Variants in WDR7 observed in about 807,000 individuals in gnomAD.
WDR7 encodes WD repeat-containing protein 7.
In WDR7, 46 loss-of-function variants were observed where a neutral mutation model predicts 169.4. The observed-to-expected ratio is 0.27, with a 90% CI of 0.21 to 0.35. The LOEUF (loss-of-function observed/expected upper bound fraction) is 0.35, where lower values mean the gene tolerates loss of function less well. Among genes scored for constraint, WDR7 ranks in the 10% least tolerant of loss-of-function variants. WDR7 has a pLI of 1.00. For synonymous variants in WDR7, 612 were observed against 666.8 expected, an observed-to-expected ratio of 0.92 and a Z score of 1.27; for missense variants, 1,534 against 1,859.3, an observed-to-expected ratio of 0.83 and a Z score of 3.22.
At chr18:56,806,500 A>T (rs1318420100) in intron 19 of WDR7, among the ~76,000 whole-genome samples, 1 of 152,116 alleles carries the variant, frequency 6.6e-6, no homozygotes, top group Non-Finnish European at 1.5e-5. Flanking sequence ...AGAGGTAAGG[A>T]TGGGGAGGGT....
At chr18:56,787,964 T>C (rs1338003681) in intron 19 of WDR7, among the ~76,000 whole-genome samples, 2 of 152,214 alleles carry the variant, frequency 1.3e-5, no homozygotes, top group African/African-American at 4.8e-5. Flanking sequence ...AAACATGGTA[T>C]GAGTCTTTCC....
chr18:56,731,415 G>A lies in WDR7; in HGVS notation c.1807G>A (p.Ala603Thr). ...ALDRCVMGIT[A>T]VEILNACDEA... ...GGATCGTTGTGTGATGGGGATAACA[G>A]CAGTTGAGATTCTAAACGCTTGTGA... The change falls in exon 14 of 28, where the codon GCA (alanine) becomes ACA (threonine). Residue 603 changes from alanine to threonine, a missense_variant. Coordinates refer to ENST00000254442, the MANE Select transcript of WDR7 (RefSeq NM_015285.3). The A allele has an allele frequency of 6.2e-7, 1 of 1,614,140 alleles. No homozygotes were observed.
At chr18:56,805,084 G>C (rs2044748363) in intron 19 of WDR7, among the ~76,000 whole-genome samples, 1 of 152,076 alleles carries the variant, frequency 6.6e-6, no homozygotes, top group South Asian at 2.1e-4. Flanking sequence ...CACATTAATC[G>C]TCTCTGGAAA....
intron 14 of WDR7, among the ~76,000 whole-genome samples, chr18:56,748,751 T>C (rs1425396721): frequency 1.3e-5 from 2 of 152,104 alleles, no homozygotes; most frequent in Admixed American, 1.3e-4. Context: ...ATAAAATATT[T>C]AAGATGAATA....
intron 20 of WDR7, chr18:56,872,729 G>T (rs749314544): frequency 1.3e-5 from 2 of 152,164 alleles, no homozygotes; most frequent in Admixed American, 1.3e-4. Context: ...CTGTGATAGG[G>T]TGATCAACCG....
intron 21 of WDR7, among the ~76,000 whole-genome samples, chr18:56,905,891 T>C (rs1341123747): frequency 6.6e-6 from 1 of 152,200 alleles, no homozygotes; most frequent in Non-Finnish European, 1.5e-5. Context: ...CATTTTTGAA[T>C]GATGCTAGGG....
intron 14 of WDR7, 147 bp downstream of exon 14, chr18:56,731,744 G>C (rs1345956607): frequency 6.9e-6 from 5 of 719,946 alleles, no homozygotes; most frequent in Non-Finnish European, 8.6e-6. Flanking sequence ...TATCCAACAT[G>C]GTTTGAGTTT....
chr18:56,962,675 C>T, intron 26 of WDR7, 146 bp downstream of exon 26: 1 of 728,470 alleles, frequency 1.4e-6, no homozygotes, highest in South Asian at 1.8e-5. Context: ...GAAGGACGCA[C>T]AGAATATAGA....
chr18:56,783,597 G>C (rs755565625), intron 19 of WDR7, among the ~76,000 whole-genome samples: 1 of 152,134 alleles, frequency 6.6e-6, no homozygotes, highest in Non-Finnish European at 1.5e-5. Flanking sequence ...AAATGGACTC[G>C]TGTGAAGTAG....
At chr18:56,998,025 G>T (rs2047923047) in intron 26 of WDR7, among the ~76,000 whole-genome samples, 1 of 152,140 alleles carries the variant, frequency 6.6e-6, no homozygotes, top group Admixed American at 6.6e-5. Flanking sequence ...TTCTTATCAT[G>T]TATGGCTTTC....
At chr18:57,019,628 T>A (rs1301736888) in intron 26 of WDR7, among the ~76,000 whole-genome samples, 2 of 152,132 alleles carry the variant, frequency 1.3e-5, no homozygotes, top group Non-Finnish European at 2.9e-5. Context: ...TGTGCTTGTG[T>A]CCCTACCCCT....
chr18:56,958,839 A>G (rs959074861), intron 25 of WDR7, among the ~76,000 whole-genome samples: 2 of 152,166 alleles, frequency 1.3e-5, no homozygotes, highest in African/African-American at 4.8e-5. Context: ...CATGTTTAGC[A>G]TAGATCATAC....
At chr18:56,979,162 G>A (rs2145825021) in intron 26 of WDR7, among the ~76,000 whole-genome samples, 1 of 152,218 alleles carries the variant, frequency 6.6e-6, no homozygotes, top group Non-Finnish European at 1.5e-5. Flanking sequence ...TTATTAATAT[G>A]TATAAGTATA....
At chr18:57,017,146 C>T (rs1373557441) in intron 26 of WDR7, among the ~76,000 whole-genome samples, 7 of 152,204 alleles carry the variant, frequency 4.6e-5, no homozygotes, top group Admixed American at 4.6e-4. Flanking sequence ...GGTGCCTGCA[C>T]AGATCTTAGA....
intron 21 of WDR7, among the ~76,000 whole-genome samples, chr18:56,895,826 G>A (rs937972780): frequency 1.3e-5 from 2 of 151,754 alleles, no homozygotes; most frequent in African/African-American, 4.8e-5. Context: ...ATTCCATATG[G>A]CAAATATCTC....
At position 56,694,910 on chromosome 18, in the gene WDR7, C is replaced by T. The variant is rs183467982; in HGVS notation, c.1109-40C>T. 1.2e-5 allele frequency: 19 copies of T among 1,569,270 alleles called. No homozygotes were observed. In the Admixed American group the frequency reaches 2.9e-4, roughly 24 times the overall value. On this transcript the variant is annotated intron_variant, in intron 10 of 27. Coordinates refer to ENST00000254442, the MANE Select transcript of WDR7 (RefSeq NM_015285.3). Reference sequence around the variant, plus strand: ...AATGTTTTAAATTTTTTTTAACATGCACAAATGTTTTTCTTTTATACAAAA... The same window carrying T: ...AATGTTTTAAATTTTTTTTAACATGTACAAATGTTTTTCTTTTATACAAAA...
At chr18:56,797,750 C>G (rs774924604) in intron 19 of WDR7, among the ~76,000 whole-genome samples, 4 of 150,654 alleles carry the variant, frequency 2.7e-5, no homozygotes, top group Non-Finnish European at 1.5e-5. Flanking sequence ...TTTTATCTAT[C>G]TATCTAAAAA....
chr18:56,819,677 C>T (rs2045051648), intron 20 of WDR7, among the ~76,000 whole-genome samples: 1 of 152,032 alleles, frequency 6.6e-6, no homozygotes, highest in Admixed American at 6.6e-5. Context: ...AATATTAAAA[C>T]CTATTACAAT....
At chr18:57,002,663 C>T (rs182577412) in intron 26 of WDR7, among the ~76,000 whole-genome samples, 2 of 152,250 alleles carry the variant, frequency 1.3e-5, no homozygotes, top group East Asian at 1.9e-4. Flanking sequence ...CTTTTACAAA[C>T]GTGTAAAATG....
Sources: gnomAD v4.1 joint callset for allele counts (sites outside exome capture counted in the v4.1 genomes callset) on GRCh38, gnomAD v4.1.1 for gene constraint, MANE v1.5 for transcripts, NCBI Gene and HGNC (gene_info 2026-07-23, HGNC 2026-07-21) for gene names.